The following NFIL3 variants were observed in gnomAD, a reference collection of about 807,000 sequenced individuals.
The protein encoded by NFIL3 is nuclear factor, interleukin 3 regulated.
A neutral mutation model predicts 10.0 loss-of-function variants in NFIL3; 5 were observed. That is an observed-to-expected ratio of 0.50 (90% CI 0.26 to 1.06). The LOEUF is 1.06. Among genes scored for constraint, NFIL3 ranks in the 50% least tolerant of loss-of-function variants. The pLI is 0.13. For missense variants in NFIL3, 436 were observed against 547.6 expected (o/e 0.80, Z 2.03); for synonymous variants, 202 against 206.5 (o/e 0.98, Z 0.19).
the NFIL3 span, among the ~76,000 whole-genome samples, chr9:91,440,589 T>C: frequency 2.0e-5 from 3 of 152,040 alleles, no homozygotes; most frequent in South Asian, 6.2e-4. Flanking sequence ...TTGAAGAATA[T>C]TTTTAGACTA....
At chr9:91,426,109 C>G (rs962746705), upstream of NFIL3, 1 of 152,184 alleles carries the variant, frequency 6.6e-6, no homozygotes, top group Non-Finnish European at 1.5e-5. Flanking sequence ...GAGGAGTTCT[C>G]TCAACCTGGA....
the NFIL3 span, among the ~76,000 whole-genome samples, chr9:91,435,209 T>C: frequency 6.6e-6 from 1 of 152,118 alleles, no homozygotes; most frequent in Non-Finnish European, 1.5e-5. Flanking sequence ...CTCTAAATGA[T>C]CAGAACCCAG....
chr9:91,417,123 A>C (rs1833672127), intron 1 of NFIL3, among the ~76,000 whole-genome samples: 1 of 152,198 alleles, frequency 6.6e-6, no homozygotes, highest in African/African-American at 2.4e-5. Flanking sequence ...GGTAAGTTTT[A>C]TTGCAAATTG....
the NFIL3 span, among the ~76,000 whole-genome samples, chr9:91,471,202 T>C: frequency 1.3e-5 from 2 of 152,196 alleles, no homozygotes; most frequent in East Asian, 3.8e-4. Flanking sequence ...ATCTGGGTGC[T>C]CCTGTGTTGG....
upstream of NFIL3, among the ~76,000 whole-genome samples, chr9:91,424,746 C>A (rs1833850696): frequency 6.6e-6 from 1 of 152,226 alleles, no homozygotes; most frequent in Non-Finnish European, 1.5e-5. Context: ...TGTGAAGGTC[C>A]GCGCTCGGGT....
At chr9:91,469,260 G>A in the NFIL3 span, among the ~76,000 whole-genome samples, 1 of 152,234 alleles carries the variant, frequency 6.6e-6, no homozygotes, top group East Asian at 1.9e-4. Flanking sequence ...CTTGTAAGTT[G>A]GATTCCTAGG....
At chr9:91,450,068 C>T in the NFIL3 span, among the ~76,000 whole-genome samples, 4,686 of 152,010 alleles carry the variant, frequency 0.031, 96 homozygotes, top group East Asian at 0.093. Flanking sequence ...TTATTTATGG[C>T]TTTAGTCATT....
rs370885796 is a variant in NFIL3 at position 91,421,189 on chromosome 9, C to T, written c.-173+2451G>A. Among the ~76,000 whole-genome samples, 34 of 152,218 alleles carry T rather than the reference C, an allele frequency of 2.2e-4. No homozygotes were observed. In the East Asian group the frequency reaches 6.0e-3, roughly 27 times the overall value. On this transcript the variant is annotated intron_variant, in intron 1 of 1. Coordinates refer to ENST00000297689, the MANE Select transcript of NFIL3 (RefSeq NM_005384.3). Reference sequence around the variant, plus strand: ...TGTTGGAAGGAGGGCCGCGGAGACGCAGGCGCTCCGGGTCGCCCGCGCTGC... The same window carrying T: ...TGTTGGAAGGAGGGCCGCGGAGACGTAGGCGCTCCGGGTCGCCCGCGCTGC...
the NFIL3 span, among the ~76,000 whole-genome samples, chr9:91,464,915 C>T: frequency 4.0e-5 from 6 of 151,832 alleles, no homozygotes. Context: ...GCTCTCTTAG[C>T]GTTAAGCTGT....
At chr9:91,412,971 C>T (rs1833583958) in intron 1 of NFIL3, among the ~76,000 whole-genome samples, 1 of 152,092 alleles carries the variant, frequency 6.6e-6, no homozygotes, top group Admixed American at 6.5e-5. Flanking sequence ...AAAAGCCTGC[C>T]AGCTTCTTTT....
At chr9:91,444,586 G>A in the NFIL3 span, among the ~76,000 whole-genome samples, 5 of 152,252 alleles carry the variant, frequency 3.3e-5, no homozygotes, top group South Asian at 8.3e-4. Flanking sequence ...GCTTTTGTTG[G>A]GAAAGATTTT....
At chr9:91,458,081 T>A in the NFIL3 span, among the ~76,000 whole-genome samples, 2 of 152,094 alleles carry the variant, frequency 1.3e-5, no homozygotes. Context: ...TTTTTACATA[T>A]ATTTTTATGT....
At chr9:91,433,509 G>C in the NFIL3 span, among the ~76,000 whole-genome samples, 1 of 152,224 alleles carries the variant, frequency 6.6e-6, no homozygotes, top group Non-Finnish European at 1.5e-5. Flanking sequence ...GTGGCTAACT[G>C]ACATCATTCT....
chr9:91,461,944 A>G, the NFIL3 span, among the ~76,000 whole-genome samples: 1 of 152,002 alleles, frequency 6.6e-6, no homozygotes, highest in Non-Finnish European at 1.5e-5. Flanking sequence ...GTAGGTAATC[A>G]CGGTCATTGT....
Position 91,410,794 on chromosome 9 carries a change from C to A in NFIL3, c.-60G>T, listed in dbSNP as rs1833533946. The A allele has an allele frequency of 1.4e-6, 2 of 1,472,994 alleles. No individual in the cohort carries two copies. The highest frequency in any genetic ancestry group is 2.8e-5 in the African/African-American group (2 of 71,030). 91.2% of individuals were successfully genotyped at this position (1,472,994 alleles called of 1,614,324 possible). On this transcript the variant is annotated 5_prime_UTR_variant, in exon 2 of 2. Transcript: ENST00000297689. The surrounding 1 kb of genome is among the most constrained non-coding windows in gnomAD (Gnocchi z 5.7). ...GAACAAATTAATTTCCCCGTATTCTCAAGCTCTTTAAAAACTCTGGTTTAA... is the reference window on the plus strand; with the variant it reads ...GAACAAATTAATTTCCCCGTATTCTAAAGCTCTTTAAAAACTCTGGTTTAA...
At chr9:91,422,987 G>A (rs1044362431) in intron 1 of NFIL3, among the ~76,000 whole-genome samples, 3 of 152,058 alleles carry the variant, frequency 2.0e-5, no homozygotes, top group African/African-American at 7.2e-5. Flanking sequence ...ACATTTCACC[G>A]TGGGCAGATT....
the NFIL3 span, among the ~76,000 whole-genome samples, chr9:91,480,385 G>A: frequency 6.6e-6 from 1 of 152,080 alleles, no homozygotes; most frequent in South Asian, 2.1e-4. Context: ...AAACCCAAGA[G>A]AGCATAAACA....
the NFIL3 span, among the ~76,000 whole-genome samples, chr9:91,436,411 T>C: frequency 6.6e-6 from 1 of 151,918 alleles, no homozygotes; most frequent in Non-Finnish European, 1.5e-5. Flanking sequence ...ACCTCGTCTC[T>C]ACTAAAAATA....
chr9:91,465,696 C>T, the NFIL3 span, among the ~76,000 whole-genome samples: 5 of 151,630 alleles, frequency 3.3e-5, no homozygotes, highest in African/African-American at 1.2e-4. Context: ...GCTTGACGTG[C>T]TATATTGGTT....
Sources: allele counts gnomAD v4.1 joint callset (sites outside exome capture counted in the v4.1 genomes callset), GRCh38; gene constraint gnomAD v4.1.1; non-coding constraint Gnocchi (gnomAD v3.1); transcripts MANE v1.5; gene names NCBI Gene and HGNC (gene_info 2026-07-23, HGNC 2026-07-21).